The following DPP10 variants were observed in gnomAD, a reference collection of about 807,000 sequenced individuals.
The protein encoded by DPP10 is dipeptidyl peptidase like 10, also known as inactive dipeptidyl peptidase 10.
In DPP10, 33 loss-of-function variants were observed where a neutral mutation model predicts 120.9. That is an observed-to-expected ratio of 0.27 (90% CI 0.21 to 0.37). The LOEUF (loss-of-function observed/expected upper bound fraction) is 0.37, where lower values mean the gene tolerates loss of function less well. Ranked by LOEUF, DPP10 falls within the 10% of genes least tolerant of loss-of-function variation. The pLI is 1.00. For synonymous variants in DPP10, 337 were observed against 326.1 expected, an observed-to-expected ratio of 1.03 and a Z score of -0.36; for missense variants, 816 against 942.8, an observed-to-expected ratio of 0.87 and a Z score of 1.76.
At chr2:115,278,864 GC>G (rs1338460423) in intron 1 of DPP10, among the ~76,000 whole-genome samples, 2 of 152,048 alleles carry the variant, frequency 1.3e-5, no homozygotes, top group African/African-American at 4.8e-5. Flanking sequence ...TATAGCAGAA[GC>G]CTTTTTTTGT....
chr2:114,562,327 C>T (rs1301214080), intron 1 of DPP10, among the ~76,000 whole-genome samples: 1 of 152,186 alleles, frequency 6.6e-6, no homozygotes, highest in African/African-American at 2.4e-5. Flanking sequence ...AAAGTATCTT[C>T]CTCCCACCAC....
intron 1 of DPP10, among the ~76,000 whole-genome samples, chr2:114,879,669 G>A (rs1691447908): frequency 6.6e-6 from 1 of 151,848 alleles, no homozygotes; most frequent in Non-Finnish European, 1.5e-5. Context: ...GTGTCTTTGT[G>A]GTGATTGAAA....
At chr2:115,467,329 A>G (rs998895277) in intron 3 of DPP10, among the ~76,000 whole-genome samples, 1 of 152,114 alleles carries the variant, frequency 6.6e-6, no homozygotes, top group Non-Finnish European at 1.5e-5. Context: ...TGGGAGGCTG[A>G]GGCGGACAGA....
chr2:115,715,457 C>T (rs2092464008), intron 7 of DPP10, among the ~76,000 whole-genome samples: 1 of 151,878 alleles, frequency 6.6e-6, no homozygotes, highest in Non-Finnish European at 1.5e-5. Flanking sequence ...TCCCATCTCT[C>T]AACCAGATTC....
chr2:115,254,663 G>C (rs560248794), intron 1 of DPP10, among the ~76,000 whole-genome samples: 53 of 152,338 alleles, frequency 3.5e-4, no homozygotes, highest in Admixed American at 6.5e-4. Context: ...TACAATGGGA[G>C]TGCAGACATT....
intron 1 of DPP10, among the ~76,000 whole-genome samples, chr2:114,650,586 G>A (rs1696510655): frequency 6.6e-6 from 1 of 152,094 alleles, no homozygotes; most frequent in African/African-American, 2.4e-5. Context: ...CACTTATTCA[G>A]AGCATCCCAT....
At chr2:114,509,418 A>T (rs1174508084) in intron 1 of DPP10, among the ~76,000 whole-genome samples, 4 of 152,236 alleles carry the variant, frequency 2.6e-5, no homozygotes, top group African/African-American at 9.6e-5. Flanking sequence ...GAAGGAACTG[A>T]ACTAAGAAAT....
intron 19 of DPP10, among the ~76,000 whole-genome samples, chr2:115,812,956 T>C (rs2150027885): frequency 6.9e-6 from 1 of 145,796 alleles, no homozygotes; most frequent in South Asian, 2.2e-4. Flanking sequence ...TATCTCTGAC[T>C]GGATATCTTT....
chr2:115,002,812 T>C (rs1701533593), intron 1 of DPP10, among the ~76,000 whole-genome samples: 2 of 152,168 alleles, frequency 1.3e-5, no homozygotes, highest in African/African-American at 4.8e-5. Flanking sequence ...GACAATGAGA[T>C]ACCATCTCAT....
intron 5 of DPP10, among the ~76,000 whole-genome samples, chr2:115,587,247 G>A (rs974223477): frequency 2.0e-5 from 3 of 151,748 alleles, no homozygotes; most frequent in African/African-American, 4.8e-5. Context: ...ACAGGCTCCC[G>A]CGACCACGCC....
rs773626974 is a variant in DPP10 at position 115,768,362 on chromosome 2, G to A, written c.1179G>A (p.Gly393=). The change falls in exon 13 of 26, where the codon GGG becomes GGA. Residue 393 remains glycine (G), a synonymous_variant. Transcript: ENST00000410059. ...TTATGACAGTGCCTGTTAAGCAAGGGGGACGTGGAGAATTTCACCACGTAG... is the reference window on the plus strand; with the variant it reads ...TTATGACAGTGCCTGTTAAGCAAGGAGGACGTGGAGAATTTCACCACGTAG... ...KFFMTVPVKQ[G]GRGEFHHVAM... 1.4e-5 allele frequency: 22 copies of A among 1,613,458 alleles called. 1 individual carries two copies. The South Asian group carries it at 2.2e-4, about 16-fold the overall frequency.
intron 5 of DPP10, among the ~76,000 whole-genome samples, chr2:115,576,217 A>G (rs1558872827): frequency 6.6e-6 from 1 of 152,224 alleles, no homozygotes; most frequent in South Asian, 2.1e-4. Context: ...TAGGGCCAGG[A>G]ATGCCTTAAA....
chr2:115,256,344 C>G (rs932559881), intron 1 of DPP10, among the ~76,000 whole-genome samples: 3 of 152,212 alleles, frequency 2.0e-5, no homozygotes. Context: ...GGTCCTTTCA[C>G]AGCATGTGGG....
At chr2:115,384,455 GAAGGAAGAAGAAGGAA>G (rs1455050424) in intron 3 of DPP10, among the ~76,000 whole-genome samples, 3 of 47,964 alleles carry the variant, frequency 6.3e-5, no homozygotes, top group Non-Finnish European at 1.7e-4. Flanking sequence ...GGAAGAAGAA[GAAGGAAGAAGAAGGAA>G]GAAGAAGGAA....
intron 22 of DPP10, 123 bp downstream of exon 22, chr2:115,836,379 T>TA (rs754994250): frequency 1.0e-4 from 139 of 1,395,572 alleles, no homozygotes; most frequent in Non-Finnish European, 1.2e-4. Flanking sequence ...TTCAGCTGTT[T>TA]ATCTCCTCCT....
chr2:114,513,602 A>G (rs903898633), intron 1 of DPP10, among the ~76,000 whole-genome samples: 3 of 147,866 alleles, frequency 2.0e-5, no homozygotes, highest in Non-Finnish European at 4.5e-5. Context: ...AGAAAAACAG[A>G]AGAAAGGAAG....
Position 114,670,863 on chromosome 2 carries a change from G to A in DPP10, c.60+228025G>A, listed in dbSNP as rs1355644064. ...CTTAGAAGTAAATAATTGTTGTGCT[G>A]TAGGAAAACACATCAATATAGAGAA... is the stretch of plus-strand genomic sequence containing the variant. On this transcript the variant is annotated intron_variant, in intron 1 of 25. Coordinates refer to ENST00000410059, the MANE Select transcript of DPP10 (RefSeq NM_020868.6). Among the ~76,000 whole-genome samples the A allele has an allele frequency of 3.3e-5, 5 of 152,076 alleles. No individual in the cohort carries two copies. In the South Asian group the frequency reaches 6.2e-4, roughly 19 times the overall value.
chr2:115,478,377 G>A (rs2075223231), intron 3 of DPP10, among the ~76,000 whole-genome samples: 1 of 152,164 alleles, frequency 6.6e-6, no homozygotes, highest in Admixed American at 6.5e-5. Flanking sequence ...GAATGGGATT[G>A]TTAACTAAAA....
intron 1 of DPP10, among the ~76,000 whole-genome samples, chr2:115,093,734 A>G (rs1398063431): frequency 6.6e-6 from 1 of 152,064 alleles, no homozygotes; most frequent in Admixed American, 6.6e-5. Context: ...GCAGAGACAC[A>G]CACATAAACT....
Sources: allele counts gnomAD v4.1 joint callset (sites outside exome capture counted in the v4.1 genomes callset), GRCh38; gene constraint gnomAD v4.1.1; transcripts MANE v1.5; gene names NCBI Gene and HGNC (gene_info 2026-07-23, HGNC 2026-07-21).